IQGAP1: variants seen among roughly 807,000 people sequenced by gnomAD.
IQGAP1 encodes IQ motif containing GTPase activating protein 1.
IQGAP1 carries 66 observed loss-of-function variants against 215.6 expected under a neutral mutation model. That is an observed-to-expected ratio of 0.31 (90% CI 0.25 to 0.38). The LOEUF is 0.38. Among genes scored for constraint, IQGAP1 ranks in the 10% least tolerant of loss-of-function variants. The probability of loss-of-function intolerance (pLI) is 1.00; values close to 1 mark genes in which losing one functional copy is unlikely to be tolerated. For missense variants in IQGAP1, 1,712 were observed against 1,997.1 expected (o/e 0.86, Z 2.72); for synonymous variants, 772 against 728.7 (o/e 1.06, Z -0.96).
intron 23 of IQGAP1, among the ~76,000 whole-genome samples, chr15:90,475,913 C>T (rs1965973436): frequency 6.6e-6 from 1 of 151,978 alleles, no homozygotes; most frequent in South Asian, 2.1e-4. Flanking sequence ...GACTCTTTCC[C>T]TATGATAAGT....
intron 34 of IQGAP1, among the ~76,000 whole-genome samples, chr15:90,492,290 TGTG>T (rs1184299314): frequency 2.0e-5 from 3 of 151,970 alleles, no homozygotes; most frequent in Non-Finnish European, 2.9e-5. Flanking sequence ...ATTAGCCAGA[TGTG>T]GTGGCATGTG....
chr15:90,392,089 C>T (rs1167892709), intron 2 of IQGAP1, among the ~76,000 whole-genome samples: 1 of 151,444 alleles, frequency 6.6e-6, no homozygotes, highest in Non-Finnish European at 1.5e-5. Context: ...CAAAACAAAA[C>T]CAACATCGCT....
intron 19 of IQGAP1, among the ~76,000 whole-genome samples, chr15:90,473,387 T>G (rs918592069): frequency 6.6e-6 from 1 of 152,146 alleles, no homozygotes; most frequent in East Asian, 1.9e-4. Flanking sequence ...CTCCAAGTCT[T>G]TGTCCCCATC....
rs183961458 is a variant in IQGAP1 at position 90,472,871 on chromosome 15, A to T, written c.2210A>T (p.Asn737Ile). Residue 737 changes from asparagine to isoleucine, a missense_variant, in exon 19 of 38, where the codon AAC becomes ATC. By Grantham distance (149) the Asn-to-Ile change is moderately radical. This residue lies in a region of IQGAP1 where 1,021 missense variants were observed against 1,074.2 expected (regional missense o/e 0.95). Coordinates refer to ENST00000268182, the MANE Select transcript of IQGAP1 (RefSeq NM_003870.4). ...SSISGVTAAY[N>I]REQLWLANEG... ...ATCTCTGGGGTGACTGCCGCATATA[A>T]CCGAGAACAGCTGTGGCTGGCCAAT... The T allele has an allele frequency of 6.2e-7, 1 of 1,613,664 alleles. No homozygotes were observed.
intron 3 of IQGAP1, among the ~76,000 whole-genome samples, chr15:90,428,465 C>T (rs918782765): frequency 6.6e-6 from 1 of 151,676 alleles, no homozygotes; most frequent in Non-Finnish European, 1.5e-5. Flanking sequence ...AAAAGGAGAG[C>T]GGAGACTCTG....
At chr15:90,471,289 T>C (rs531474003) in intron 18 of IQGAP1, among the ~76,000 whole-genome samples, 4 of 152,238 alleles carry the variant, frequency 2.6e-5, no homozygotes, top group African/African-American at 9.6e-5. Context: ...ATTCTTAGCA[T>C]GTGGCTTCCA....
At chr15:90,460,707 T>C (rs1965748851) in intron 15 of IQGAP1, among the ~76,000 whole-genome samples, 2 of 152,078 alleles carry the variant, frequency 1.3e-5, no homozygotes, top group African/African-American at 4.8e-5. Flanking sequence ...TCTACCGTAT[T>C]GAAAAAACTG....
intron 1 of IQGAP1, 128 bp downstream of exon 1, chr15:90,388,524 C>A: frequency 1.3e-6 from 1 of 767,870 alleles, no homozygotes. Flanking sequence ...CCGGAAGAGC[C>A]GTCCCGGTGG....
chr15:90,396,646 T>C (rs1373003004), intron 2 of IQGAP1, among the ~76,000 whole-genome samples: 1 of 152,180 alleles, frequency 6.6e-6, no homozygotes, highest in Non-Finnish European at 1.5e-5. Context: ...TAAACCTCCA[T>C]TCTTTTTTCG....
At chr15:90,486,906 T>C (rs1378525765) in intron 31 of IQGAP1, 48 bp from the exon 32 acceptor site, 1 of 1,570,680 alleles carries the variant, frequency 6.4e-7, no homozygotes, top group Admixed American at 1.8e-5. Context: ...CCCCCCAATA[T>C]CTCCTCTCTT....
chr15:90,473,272 G>A (rs1341349862), intron 19 of IQGAP1, among the ~76,000 whole-genome samples: 1 of 152,156 alleles, frequency 6.6e-6, no homozygotes, highest in Admixed American at 6.5e-5. Flanking sequence ...TTTGAACCTT[G>A]AGGGAAACAA....
At position 90,439,361 on chromosome 15, in the gene IQGAP1, C is replaced by T. The variant is rs1965416686; in HGVS notation, c.497C>T (p.Pro166Leu). The change falls in exon 6 of 38, where the codon CCT becomes CTT. Residue 166 changes from proline (P) to leucine (L), a missense_variant. Pro to Leu is a moderately conservative substitution (Grantham distance 98). Around this residue, in one of 2 missense-constraint regions of IQGAP1, gnomAD observed 1,021 missense variants for 1,074.2 expected, o/e 0.95. Coordinates refer to ENST00000268182, the MANE Select transcript of IQGAP1 (RefSeq NM_003870.4). ...SLYLFKLGLA[P>L]QIQDLYGKVD... is the part of the protein sequence containing the mutation. ...TACCTGTTCAAGCTAGGCCTGGCCC[C>T]TCAGATTCAAGACCTATATGGAAAG... The T allele has an allele frequency of 1.9e-6, 3 of 1,613,246 alleles. No homozygotes were observed. The highest frequency in any genetic ancestry group is 2.5e-6 in the Non-Finnish European group (3 of 1,179,472).
chr15:90,467,579 G>A lies in IQGAP1; in HGVS notation c.2165G>A (p.Arg722Gln), dbSNP rs1403061892. ...GTGCAAAATTCTATGCAGCTTTCTC[G>A]GGAGGAGATCCAGGTAGGTTACCTT... The part of the protein sequence containing the change: ...NFVQNSMQLS[R>Q]EEIQSSISGV... The change falls in exon 18 of 38, where the codon CGG becomes CAG. Residue 722 changes from arginine to glutamine, a missense_variant. Transcript: ENST00000268182. The A allele has an allele frequency of 1.9e-6, 3 of 1,609,816 alleles. No homozygotes were observed. The highest frequency in any genetic ancestry group is 1.7e-4 in the Middle Eastern group (1 of 6,034).
chr15:90,406,723 A>G lies in IQGAP1; in HGVS notation c.155+15850A>G, dbSNP rs1284471921. 2.6e-5 allele frequency among the ~76,000 whole-genome samples: 4 copies of G among 152,180 alleles called. No individual in the cohort carries two copies. The East Asian group carries it at 7.7e-4, about 29-fold the overall frequency. ...GTTAGGATTTTACTTGTTTCTAGAG[A>G]GATAGTTAATATATTGTAAGGCACA... is the stretch of plus-strand genomic sequence containing the variant. On this transcript the variant is annotated intron_variant, in intron 2 of 37. Coordinates refer to ENST00000268182, the MANE Select transcript of IQGAP1 (RefSeq NM_003870.4).
chr15:90,463,848 C>A (rs1965794591), intron 15 of IQGAP1, among the ~76,000 whole-genome samples: 1 of 152,180 alleles, frequency 6.6e-6, no homozygotes, highest in Non-Finnish European at 1.5e-5. Context: ...CAGATGCTTT[C>A]CTTTGGCCTT....
chr15:90,487,144 C>T lies in IQGAP1; in HGVS notation c.4160+55C>T, dbSNP rs796127012. The T allele has an allele frequency of 9.5e-6, 15 of 1,585,720 alleles. No individual in the cohort carries two copies. In the African/African-American group the frequency reaches 1.7e-4, roughly 18 times the overall value. On this transcript the variant is annotated intron_variant, in intron 32 of 37. Coordinates refer to ENST00000268182, the MANE Select transcript of IQGAP1 (RefSeq NM_003870.4). Reference sequence around the variant, plus strand: ...GAATGTAATCTGAAGGTTTCTTGGCCTTTGGAGAGGAACCTGCTGGGTCCT... The same window carrying T: ...GAATGTAATCTGAAGGTTTCTTGGCTTTTGGAGAGGAACCTGCTGGGTCCT...
intron 29 of IQGAP1, 137 bp from the exon 30 acceptor site, chr15:90,484,083 C>T (rs1966093686): frequency 4.0e-6 from 3 of 743,718 alleles, no homozygotes; most frequent in Non-Finnish European, 6.7e-6. Flanking sequence ...GCACAGCAAA[C>T]ACACAGCACT....
intron 2 of IQGAP1, among the ~76,000 whole-genome samples, chr15:90,412,162 T>G (rs968848406): frequency 1.3e-5 from 2 of 152,224 alleles, no homozygotes; most frequent in Non-Finnish European, 2.9e-5. Context: ...TAGATATAAA[T>G]ACACACAGAA....
intron 11 of IQGAP1, among the ~76,000 whole-genome samples, chr15:90,451,878 G>C (rs1299085716): frequency 2.7e-5 from 4 of 150,014 alleles, no homozygotes; most frequent in Non-Finnish European, 5.9e-5. Context: ...TTGCCAGGCT[G>C]GAGTGCAGTG....
Sources: allele counts gnomAD v4.1 joint callset (sites outside exome capture counted in the v4.1 genomes callset), GRCh38; gene constraint gnomAD v4.1.1; regional missense constraint gnomAD v4.1.1; transcripts MANE v1.5; gene names NCBI Gene and HGNC (gene_info 2026-07-23, HGNC 2026-07-21).